The following DGKG variants were observed in gnomAD, a reference collection of about 807,000 sequenced individuals.
The protein encoded by DGKG is diacylglycerol kinase gamma.
In DGKG, 78 loss-of-function variants were observed where a neutral mutation model predicts 105.3. That is an observed-to-expected ratio of 0.74 (90% CI 0.62 to 0.89). DGKG has a LOEUF of 0.89. Ranked by LOEUF, DGKG falls within the 40% of genes least tolerant of loss-of-function variation. DGKG has a pLI of 0.00. For synonymous variants in DGKG, 346 were observed against 367.1 expected (o/e 0.94, Z 0.66); for missense variants, 958 against 1,020.1 (o/e 0.94, Z 0.83).
chr3:186,243,943 C>T (rs1720813282), intron 19 of DGKG, among the ~76,000 whole-genome samples: 3 of 127,340 alleles, frequency 2.4e-5, no homozygotes, highest in South Asian at 4.9e-4. Context: ...GTCGCCCAGG[C>T]TGGAGTGCAG....
chr3:186,256,437 G>A (rs4686758), intron 17 of DGKG, among the ~76,000 whole-genome samples: 96,815 of 151,970 alleles, frequency 0.64, 35,310 homozygotes, highest in East Asian at 0.9. Context: ...ATATCCAGAA[G>A]CTGGCCACTT....
chr3:186,294,460 C>T (rs940023760), intron 5 of DGKG, among the ~76,000 whole-genome samples: 5 of 145,330 alleles, frequency 3.4e-5, no homozygotes, highest in East Asian at 4.2e-4. Flanking sequence ...TGCTTGAACT[C>T]GGGAGGCAGA....
chr3:186,199,390 T>A (rs1197208785), intron 21 of DGKG, among the ~76,000 whole-genome samples: 1 of 152,234 alleles, frequency 6.6e-6, no homozygotes, highest in Non-Finnish European at 1.5e-5. Context: ...AGTTAGATAA[T>A]GATATTAATC....
intron 1 of DGKG, among the ~76,000 whole-genome samples, chr3:186,323,936 C>CAAA (rs35989455): frequency 9.7e-5 from 7 of 71,998 alleles, no homozygotes; most frequent in Admixed American, 3.3e-4. Context: ...GACTCCGTCT[C>CAAA]AAAAAAAAAA....
intron 6 of DGKG, 120 bp downstream of exon 6, chr3:186,288,590 A>G: frequency 9.4e-7 from 1 of 1,061,364 alleles, no homozygotes; most frequent in South Asian, 1.6e-5. Context: ...ACCTCCCCAA[A>G]GAGGCGGGAC....
chr3:186,291,155 A>G (rs1222907234), intron 5 of DGKG, among the ~76,000 whole-genome samples: 2 of 152,192 alleles, frequency 1.3e-5, no homozygotes, highest in Non-Finnish European at 2.9e-5. Flanking sequence ...CCAGTACTCA[A>G]CATTTAGTGA....
rs1352673652 is a variant in DGKG, at chr3:186,297,066, T to TCACACACA, written c.373+354_373+355insTGTGTGTG. 4.6e-3 allele frequency among the ~76,000 whole-genome samples: 573 copies of TCACACACA among 123,676 alleles called. 1 individual carries two copies. Among genetic ancestry groups the TCACACACA allele is most frequent in the South Asian group, 0.011 (41 of 3,758 alleles). The allele number at this position is 123,676 out of a possible 152,430, so 81.1% of individuals were successfully genotyped here. A position where few individuals can be genotyped will look rare whatever the true frequency, so the allele number is the denominator to read the frequency against. Reference sequence around the variant, plus strand: ...CTCTCTCTGTCTGTCTGTCTGTCTCTCTCACACACACACACACACACACAC... The same window carrying TCACACACA: ...CTCTCTCTGTCTGTCTGTCTGTCTCTCACACACACTCACACACACACACACACACACAC... On this transcript the variant is annotated intron_variant, in intron 5 of 24. Transcript: ENST00000265022.
rs1250446327 is a variant in DGKG, at chr3:186,226,335, G to A, written c.1827-14450C>T. ...CTTTAGTGCAATTTTTACCAGTTGT[G>A]GAGATGGGGCCAGAGGGGGAAATGT... is the stretch of plus-strand genomic sequence containing the variant. On this transcript the variant is annotated intron_variant, in intron 20 of 24. Transcript: ENST00000265022. The surrounding 1 kb of genome is among the most constrained non-coding windows in gnomAD (Gnocchi z 4.2). Among the ~76,000 whole-genome samples, 4 of 152,096 alleles carry A rather than the reference G, an allele frequency of 2.6e-5. No individual in the cohort carries two copies. The highest frequency in any genetic ancestry group is 4.4e-5 in the Non-Finnish European group (3 of 68,030).
At chr3:186,349,365 A>G (rs1726516570) in intron 1 of DGKG, among the ~76,000 whole-genome samples, 1 of 152,066 alleles carries the variant, frequency 6.6e-6, no homozygotes, top group African/African-American at 2.4e-5. Context: ...CATTGTTCCA[A>G]TGTTTGTGCT....
At chr3:186,241,255 A>G (rs1034455604) in intron 20 of DGKG, among the ~76,000 whole-genome samples, 1 of 152,116 alleles carries the variant, frequency 6.6e-6, no homozygotes. Context: ...AATGTCTTCA[A>G]TGAACACTCT....
At chr3:186,229,700 A>G (rs1379901451) in intron 20 of DGKG, among the ~76,000 whole-genome samples, 1 of 152,188 alleles carries the variant, frequency 6.6e-6, no homozygotes, top group Non-Finnish European at 1.5e-5. Flanking sequence ...ACTCCTGAAA[A>G]GCAGGGGCTG....
In DGKG at chr3:186,160,742, C is replaced by T. The variant is rs138526036; in HGVS notation, c.2277+861G>A. 1,345 of 985,360 alleles carry T rather than the reference C, an allele frequency of 1.4e-3. 20 individuals carry two copies. The African/African-American group carries it at 0.022, about 16-fold the overall frequency. The allele number at this position is 985,360 out of a possible 1,614,324, so 61.0% of individuals were successfully genotyped here. The stretch of plus-strand genomic sequence containing the variant: ...CTGCAATCTTATTGAGGGTATTACG[C>T]ATGTAGTATCCCAGCAGAGGCCCTG... On this transcript the variant is annotated intron_variant, in intron 24 of 24. Transcript: ENST00000265022.
rs1285001677 is a variant in DGKG at position 186,228,794 on chromosome 3, C to T, written c.1826+13710G>A. 7.2e-5 allele frequency among the ~76,000 whole-genome samples: 11 copies of T among 152,188 alleles called. No individual in the cohort carries two copies. The South Asian group carries it at 1.2e-3, about 17-fold the overall frequency. On this transcript the variant is annotated intron_variant, in intron 20 of 24. Coordinates refer to ENST00000265022, the MANE Select transcript of DGKG (RefSeq NM_001346.3). ...TCTCTCACAACACCCTCATTGTTCA[C>T]GTCCCTTCGTGAAAACAAAGCTACC...
rs1719866744 is a variant in DGKG, at chr3:186,226,470, C to A, written c.1827-14585G>T. Among the ~76,000 whole-genome samples the A allele has an allele frequency of 6.8e-6, 1 of 146,668 alleles. No individual in the cohort carries two copies. Among genetic ancestry groups the A allele is most frequent in the East Asian group, 2.5e-4 (1 of 4,080 alleles). ...CCGTGATTATGAGCAGCCGCTTCCC[C>A]TCTCCCCACCCAAGTTCAGGGGCAA... On this transcript the variant is annotated intron_variant, in intron 20 of 24. Coordinates refer to ENST00000265022, the MANE Select transcript of DGKG (RefSeq NM_001346.3). The surrounding 1 kb of genome is among the most constrained non-coding windows in gnomAD (Gnocchi z 4.2).
chr3:186,183,866 G>A (rs1035214402), intron 22 of DGKG, among the ~76,000 whole-genome samples: 12 of 152,028 alleles, frequency 7.9e-5, no homozygotes, highest in Middle Eastern at 3.2e-3. Context: ...CACCACACCC[G>A]GCTAATTTTG....
intron 1 of DGKG, among the ~76,000 whole-genome samples, chr3:186,337,523 G>T (rs1379179304): frequency 6.6e-6 from 1 of 152,068 alleles, no homozygotes; most frequent in Non-Finnish European, 1.5e-5. Flanking sequence ...TATTTAAATG[G>T]TGAAATACTA....
In DGKG at chr3:186,147,865, G is replaced by A. The variant is rs1371673428; in HGVS notation, c.*2225C>T. Reference sequence around the variant, plus strand: ...CAAGATAGTACCTGTAGTAATTCTGGAGCTTGTTGGTCCCATCACCAAGAA... The same window carrying A: ...CAAGATAGTACCTGTAGTAATTCTGAAGCTTGTTGGTCCCATCACCAAGAA... On this transcript the variant is annotated 3_prime_UTR_variant, in exon 25 of 25. Transcript: ENST00000265022. The A allele has an allele frequency of 3.6e-5, 35 of 985,268 alleles. No individual in the cohort carries two copies. Among genetic ancestry groups the A allele is most frequent in the Non-Finnish European group, 3.7e-5 (31 of 829,948 alleles). The allele number at this position is 985,268 out of a possible 1,614,324, so 61.0% of individuals were successfully genotyped here.
In DGKG at chr3:186,231,423, AC is replaced by A. The variant is rs1262839293; in HGVS notation, c.1826+11080del. 6.6e-6 allele frequency among the ~76,000 whole-genome samples: 1 copy of A among 152,128 alleles called. No individual in the cohort carries two copies. The highest frequency in any genetic ancestry group is 1.5e-5 in the Non-Finnish European group (1 of 68,038). On this transcript the variant is annotated intron_variant, in intron 20 of 24. Transcript: ENST00000265022. The surrounding 1 kb of genome is among the most constrained non-coding windows in gnomAD (Gnocchi z 4.5). ...AAGTTGCATCATCTCTATGAGCCTC[AC>A]TTTTCTCATCTGTAAGATGGATCAA...
At chr3:186,288,919 T>G (rs1723192375) in intron 5 of DGKG, 39 bp from the exon 6 acceptor site, 2 of 1,510,786 alleles carry the variant, frequency 1.3e-6, no homozygotes, top group Non-Finnish European at 1.8e-6. Flanking sequence ...GGACATTTTC[T>G]GTTTAGTAAA....
Sources: allele counts gnomAD v4.1 joint callset (sites outside exome capture counted in the v4.1 genomes callset), GRCh38; gene constraint gnomAD v4.1.1; non-coding constraint Gnocchi (gnomAD v3.1); transcripts MANE v1.5; gene names NCBI Gene and HGNC (gene_info 2026-07-23, HGNC 2026-07-21).